LHFPL3: variants seen among roughly 807,000 people sequenced by gnomAD.
LHFPL3 encodes LHFPL tetraspan subfamily member 3 protein.
A neutral mutation model predicts 19.3 loss-of-function variants in LHFPL3; 5 were observed. That is an observed-to-expected ratio of 0.26 (90% confidence interval 0.14 to 0.54). The LOEUF (loss-of-function observed/expected upper bound fraction) is 0.54, where lower values mean the gene tolerates loss of function less well. Among genes scored for constraint, LHFPL3 ranks in the 20% least tolerant of loss-of-function variants. LHFPL3 has a pLI of 0.94. For missense variants in LHFPL3, 249 were observed against 307.4 expected (o/e 0.81, Z 1.42); for synonymous variants, 133 against 126.2 (o/e 1.05, Z -0.36).
rs10282566 is a variant in LHFPL3, at chr7:104,513,097, C to A, written c.445+183873C>A. Among the ~76,000 whole-genome samples the A allele has an allele frequency of 3.7e-3, 556 of 152,290 alleles. 7 individuals carry two copies. The highest frequency in any genetic ancestry group is 0.013 in the African/African-American group (538 of 41,564). Reference sequence around the variant, plus strand: ...AATAAAATATGTATTAAAATAAAAACCATCTAGAGGCTATGTGCCAAGCTG... The same window carrying A: ...AATAAAATATGTATTAAAATAAAAAACATCTAGAGGCTATGTGCCAAGCTG... On this transcript the variant is annotated intron_variant, in intron 1 of 2. Transcript: ENST00000424859.
chr7:104,862,207 C>G (rs183819704), intron 2 of LHFPL3, among the ~76,000 whole-genome samples: 1 of 152,216 alleles, frequency 6.6e-6, no homozygotes, highest in East Asian at 1.9e-4. Flanking sequence ...TAGTCTGCCA[C>G]CCAGAAAAAT....
chr7:104,540,254 T>C (rs1180817528), intron 1 of LHFPL3, among the ~76,000 whole-genome samples: 1 of 152,010 alleles, frequency 6.6e-6, no homozygotes, highest in African/African-American at 2.4e-5. Flanking sequence ...AAAAAAAAAC[T>C]ATAATGTTGA....
intron 1 of LHFPL3, among the ~76,000 whole-genome samples, chr7:104,401,447 A>G (rs774228661): frequency 1.4e-4 from 22 of 152,338 alleles, no homozygotes; most frequent in Middle Eastern, 3.4e-3. Flanking sequence ...TCATTTCAGT[A>G]GTGTTCAGAG....
At chr7:104,787,655 A>G (rs928554818) in intron 2 of LHFPL3, among the ~76,000 whole-genome samples, 3 of 152,156 alleles carry the variant, frequency 2.0e-5, no homozygotes, top group African/African-American at 7.2e-5. Flanking sequence ...GGCTCAAGCA[A>G]TCTTCCCACC....
intron 1 of LHFPL3, among the ~76,000 whole-genome samples, chr7:104,495,024 C>G (rs953230279): frequency 2.0e-5 from 3 of 152,196 alleles, no homozygotes; most frequent in South Asian, 2.1e-4. Flanking sequence ...CTTTCAAAAT[C>G]CATAGCAAGA....
At chr7:104,519,491 C>T (rs980159770) in intron 1 of LHFPL3, among the ~76,000 whole-genome samples, 1 of 152,136 alleles carries the variant, frequency 6.6e-6, no homozygotes, top group African/African-American at 2.4e-5. Flanking sequence ...GATAGATGTA[C>T]ATCCACACCC....
At chr7:104,339,339 C>A (rs1187196415) in intron 1 of LHFPL3, among the ~76,000 whole-genome samples, 6 of 152,180 alleles carry the variant, frequency 3.9e-5, no homozygotes, top group African/African-American at 1.4e-4. Flanking sequence ...TCATAACAAT[C>A]CTACAAGGTT....
intron 1 of LHFPL3, among the ~76,000 whole-genome samples, chr7:104,686,371 G>A (rs1446812460): frequency 2.0e-5 from 3 of 152,308 alleles, no homozygotes; most frequent in Middle Eastern, 3.4e-3. Context: ...TGCAGGTGTG[G>A]GAGCAGCTGC....
At chr7:104,355,821 G>A (rs1417521023) in intron 1 of LHFPL3, among the ~76,000 whole-genome samples, 2 of 152,160 alleles carry the variant, frequency 1.3e-5, no homozygotes, top group Non-Finnish European at 2.9e-5. Context: ...CATCTATCCA[G>A]GATGAATTAG....
intron 2 of LHFPL3, among the ~76,000 whole-genome samples, chr7:104,893,807 C>A (rs1792299325): frequency 6.6e-6 from 1 of 151,624 alleles, no homozygotes; most frequent in Non-Finnish European, 1.5e-5. Context: ...CAAAAATTAG[C>A]CAGGCATGGT....
At chr7:104,479,705 C>T (rs888661548) in intron 1 of LHFPL3, among the ~76,000 whole-genome samples, 1 of 152,168 alleles carries the variant, frequency 6.6e-6, no homozygotes, top group Non-Finnish European at 1.5e-5. Flanking sequence ...TCTTCCACTT[C>T]TGCAACTGTT....
intron 2 of LHFPL3, among the ~76,000 whole-genome samples, chr7:104,824,936 A>G (rs1237783013): frequency 7.1e-6 from 1 of 141,524 alleles, no homozygotes; most frequent in Admixed American, 7.8e-5. Flanking sequence ...TATACTATAT[A>G]TATAATGTGT....
chr7:104,333,873 A>G (rs572244021), intron 1 of LHFPL3, among the ~76,000 whole-genome samples: 1 of 152,374 alleles, frequency 6.6e-6, no homozygotes, highest in Non-Finnish European at 1.5e-5. Context: ...CATAGAGGTC[A>G]AAAGCATGGA....
At chr7:104,468,171 A>G (rs28367009) in intron 1 of LHFPL3, among the ~76,000 whole-genome samples, 27,510 of 152,166 alleles carry the variant, frequency 0.18, 2,500 homozygotes, top group African/African-American at 0.21. Flanking sequence ...CTAGTATCGT[A>G]TCCTCCTCTA....
At chr7:104,876,170 A>C (rs1265497055) in intron 2 of LHFPL3, among the ~76,000 whole-genome samples, 1 of 152,218 alleles carries the variant, frequency 6.6e-6, no homozygotes, top group Non-Finnish European at 1.5e-5. Flanking sequence ...CTAAAACCAT[A>C]AAAACCCTAG....
chr7:104,338,093 CTTTTTTT>C (rs71296520), intron 1 of LHFPL3, among the ~76,000 whole-genome samples: 131 of 85,854 alleles, frequency 1.5e-3, no homozygotes, highest in Middle Eastern at 0.026. Context: ...TTTCCTTTTT[CTTTTTTT>C]TTTTTTTTTT....
At chr7:104,419,000 C>T (rs1791677356) in intron 1 of LHFPL3, among the ~76,000 whole-genome samples, 1 of 152,152 alleles carries the variant, frequency 6.6e-6, no homozygotes, top group Non-Finnish European at 1.5e-5. Context: ...AGAGGTTATA[C>T]AATTTACCTA....
intron 2 of LHFPL3, among the ~76,000 whole-genome samples, chr7:104,877,856 C>T (rs1390363581): frequency 2.0e-5 from 3 of 147,194 alleles, no homozygotes; most frequent in African/African-American, 7.5e-5. Context: ...TTTTTTGAGA[C>T]AGAGTCTTTC....
At chr7:104,442,057 T>C (rs1792235610) in intron 1 of LHFPL3, among the ~76,000 whole-genome samples, 1 of 151,826 alleles carries the variant, frequency 6.6e-6, no homozygotes, top group African/African-American at 2.4e-5. Context: ...CCAACACTTA[T>C]CTTTTTTTTT....
Sources: gnomAD v4.1 joint callset for allele counts (sites outside exome capture counted in the v4.1 genomes callset) on GRCh38, gnomAD v4.1.1 for gene constraint, MANE v1.5 for transcripts, NCBI Gene and HGNC (gene_info 2026-07-23, HGNC 2026-07-21) for gene names.